GFPT2: variants seen among roughly 807,000 people sequenced by gnomAD.
The protein encoded by GFPT2 is glutamine--fructose-6-phosphate transaminase 2.
In GFPT2, 62 loss-of-function variants were observed where a neutral mutation model predicts 85.6. The ratio of observed to expected loss-of-function variants is 0.72; its 90% CI spans 0.59 to 0.90. The LOEUF is 0.90. Ranked by LOEUF, GFPT2 falls within the 40% of genes least tolerant of loss-of-function variation. The pLI is 0.00. For synonymous variants in GFPT2, 368 were observed against 344.5 expected, an observed-to-expected ratio of 1.07 and a Z score of -0.75; for missense variants, 788 against 893.4, an observed-to-expected ratio of 0.88 and a Z score of 1.50.
At chr5:180,333,303 C>T (rs1213186543) in intron 4 of GFPT2, among the ~76,000 whole-genome samples, 2 of 151,796 alleles carry the variant, frequency 1.3e-5, no homozygotes, top group African/African-American at 4.8e-5. Context: ...GGCGCGAGCT[C>T]GGCTCACTGC....
chr5:180,352,903 G>C (rs535503574), intron 1 of GFPT2: 1 of 457,388 alleles, frequency 2.2e-6, no homozygotes, highest in East Asian at 4.2e-5. Flanking sequence ...CTCTGTTACG[G>C]GGTCCAGGCC....
intron 5 of GFPT2, among the ~76,000 whole-genome samples, chr5:180,331,106 A>C (rs1764292417): frequency 6.6e-6 from 1 of 152,240 alleles, no homozygotes; most frequent in Admixed American, 6.5e-5. Context: ...AAATACGTTG[A>C]GTCAAACCCA....
chr5:180,303,269 A>G (rs1315132889), intron 17 of GFPT2, among the ~76,000 whole-genome samples: 1 of 152,000 alleles, frequency 6.6e-6, no homozygotes. Context: ...AATGCCACCA[A>G]GGCTAGAAAA....
At chr5:180,312,783 T>C (rs1226814443) in intron 14 of GFPT2, among the ~76,000 whole-genome samples, 1 of 152,072 alleles carries the variant, frequency 6.6e-6, no homozygotes, top group Non-Finnish European at 1.5e-5. Context: ...TATTTATTTC[T>C]ATTTTGTTTT....
chr5:180,338,670 G>C (rs1764450728), intron 1 of GFPT2, 70 bp from the exon 2 acceptor site: 2 of 901,152 alleles, frequency 2.2e-6, no homozygotes, highest in African/African-American at 3.3e-5. Flanking sequence ...ACGCTTCTGG[G>C]GGATGCACCG....
intron 1 of GFPT2, among the ~76,000 whole-genome samples, chr5:180,347,556 C>A (rs547658057): frequency 1.3e-5 from 2 of 151,984 alleles, no homozygotes; most frequent in Non-Finnish European, 1.5e-5. Context: ...GCCTCTTGGC[C>A]CCGGCTCACT....
chr5:180,348,731 TC>T (rs1764656901), intron 1 of GFPT2, among the ~76,000 whole-genome samples: 2 of 142,404 alleles, frequency 1.4e-5, no homozygotes, highest in East Asian at 2.1e-4. Flanking sequence ...ACATTTCTTT[TC>T]TTTTTTTTTT....
intron 1 of GFPT2, among the ~76,000 whole-genome samples, chr5:180,342,344 G>A (rs566170343): frequency 6.6e-6 from 1 of 151,820 alleles, no homozygotes; most frequent in South Asian, 2.1e-4. Flanking sequence ...TCTAAAGCAT[G>A]CGATTCAGTG....
chr5:180,343,383 C>T (rs910392337), intron 1 of GFPT2, among the ~76,000 whole-genome samples: 1 of 152,246 alleles, frequency 6.6e-6, no homozygotes, highest in Admixed American at 6.5e-5. Context: ...GTCCTCAGGA[C>T]CACCAGCTGT....
chr5:180,332,256 AGGGGGATGC>A (rs61220861), intron 4 of GFPT2, among the ~76,000 whole-genome samples: 15,048 of 124,108 alleles, frequency 0.12, 1,371 homozygotes, highest in African/African-American at 0.26. Context: ...CGGGGGGAGC[AGGGGGATGC>A]GGGGGATGCG....
At chr5:180,304,683 C>T in intron 17 of GFPT2, 89 bp downstream of exon 17, 1 of 1,195,538 alleles carries the variant, frequency 8.4e-7, no homozygotes, top group Non-Finnish European at 1.2e-6. Flanking sequence ...GCCAGACCAT[C>T]CATCACTGGT....
intron 1 of GFPT2, among the ~76,000 whole-genome samples, chr5:180,343,403 C>T (rs1250058136): frequency 6.6e-6 from 1 of 152,226 alleles, no homozygotes; most frequent in African/African-American, 2.4e-5. Context: ...TGTCCGTACC[C>T]AGCCAGGAGG....
chr5:180,327,468 C>T (rs1200299967), intron 7 of GFPT2, among the ~76,000 whole-genome samples: 5 of 152,220 alleles, frequency 3.3e-5, no homozygotes, highest in Admixed American at 6.5e-5. Context: ...CCTCTTCCCA[C>T]TGCCTGCCTG....
At chr5:180,352,486 C>T (rs1764730037) in intron 1 of GFPT2, 1 of 451,428 alleles carries the variant, frequency 2.2e-6, no homozygotes, top group Non-Finnish European at 4.4e-6. Flanking sequence ...CCCACGGTCC[C>T]GCAGCCACGC....
At chr5:180,352,261 G>A (rs1453176978) in intron 1 of GFPT2, 10 of 375,344 alleles carry the variant, frequency 2.7e-5, no homozygotes, top group Admixed American at 1.1e-4. Flanking sequence ...GTCAGAGAGA[G>A]GCCTTTCATG....
intron 1 of GFPT2, among the ~76,000 whole-genome samples, chr5:180,345,973 G>A (rs566576582): frequency 4.0e-5 from 6 of 151,154 alleles, no homozygotes; most frequent in South Asian, 2.1e-4. Context: ...ACATCCCCCC[G>A]CACAACACCC....
chr5:180,350,480 C>T (rs1189518104), intron 1 of GFPT2, among the ~76,000 whole-genome samples: 1 of 152,228 alleles, frequency 6.6e-6, no homozygotes, highest in Non-Finnish European at 1.5e-5. Flanking sequence ...ATCGGCATCC[C>T]GTCCCTGCTG....
At chr5:180,349,561 C>G (rs183446885) in intron 1 of GFPT2, among the ~76,000 whole-genome samples, 1 of 152,006 alleles carries the variant, frequency 6.6e-6, no homozygotes, top group Non-Finnish European at 1.5e-5. Flanking sequence ...GAGACTGGAG[C>G]GACACAGCCA....
At chr5:180,308,885 T>C (rs1486593594) in intron 15 of GFPT2, among the ~76,000 whole-genome samples, 1 of 151,990 alleles carries the variant, frequency 6.6e-6, no homozygotes, top group Non-Finnish European at 1.5e-5. Flanking sequence ...TTTTTTTTTT[T>C]TTGAGACAGA....
Sources: allele counts gnomAD v4.1 joint callset (sites outside exome capture counted in the v4.1 genomes callset), GRCh38; gene constraint gnomAD v4.1.1; transcripts MANE v1.5; gene names NCBI Gene and HGNC (gene_info 2026-07-23, HGNC 2026-07-21).